The following SCEL variants were observed in gnomAD, a reference collection of about 807,000 sequenced individuals.
SCEL encodes the protein sciellin.
A neutral mutation model predicts 117.6 loss-of-function variants in SCEL; 113 were observed. That is an observed-to-expected ratio of 0.96 (90% CI 0.83 to 1.12). SCEL has a LOEUF of 1.12. Ranked by LOEUF, SCEL falls within the 50% of genes most tolerant of loss-of-function variation. The probability of loss-of-function intolerance (pLI) is 0.00; values close to 1 mark genes in which losing one functional copy is unlikely to be tolerated. For synonymous variants in SCEL, 270 were observed against 256.2 expected, an observed-to-expected ratio of 1.05 and a Z score of -0.51; for missense variants, 785 against 810.8, an observed-to-expected ratio of 0.97 and a Z score of 0.39.
rs80247228 is a variant in SCEL, at chr13:77,606,561, A to C, written c.1158-1495A>C. The C allele has an allele frequency of 3.0e-3, 459 of 152,294 alleles. 1 individual carries two copies. Among genetic ancestry groups the C allele is most frequent in the African/African-American group, 0.011 (444 of 41,558 alleles). 9.4% of individuals were successfully genotyped at this position (152,294 alleles called of 1,614,324 possible). ...TCTCAGTCACTGGCCTTCAAATCCC[A>C]CATACTTCATTTAGGCAGAAATCAA... On this transcript the variant is annotated intron_variant, in intron 19 of 32. Transcript: ENST00000349847.
At chr13:77,571,812 A>G (rs2085650724) in intron 8 of SCEL, among the ~76,000 whole-genome samples, 1 of 152,026 alleles carries the variant, frequency 6.6e-6, no homozygotes, top group Non-Finnish European at 1.5e-5. Context: ...GAATAACATA[A>G]TAAACATATA....
chr13:77,555,912 G>A lies in SCEL; in HGVS notation c.37G>A (p.Gly13Arg). 1 of 1,613,114 alleles carries A rather than the reference G, an allele frequency of 6.2e-7. No homozygotes were observed. Among genetic ancestry groups the A allele is most frequent in the Non-Finnish European group, 8.5e-7 (1 of 1,179,316 alleles). Residue 13 changes from glycine to arginine, a missense_variant, in exon 2 of 33, where the codon GGA becomes AGA. Gly to Arg is a moderately radical substitution (Grantham distance 125, BLOSUM62 -2). Transcript: ENST00000349847. ...TACCTTGAGAAAAATGTCTCCCACA[G>A]GAAATGGTAATGTACATGATGTTTC... ...NVTLRKMSPTGNEMKSTTQGT... is the reference protein window; with the variant it reads ...NVTLRKMSPTRNEMKSTTQGT...
At chr13:77,597,933 A>T (rs2087349552) in intron 13 of SCEL, among the ~76,000 whole-genome samples, 5 of 152,020 alleles carry the variant, frequency 3.3e-5, no homozygotes, top group Admixed American at 2.6e-4. Context: ...ATTACAAAAA[A>T]CATTTTATTA....
chr13:77,536,522 TTAATG>T (rs1275007451), intron 1 of SCEL, among the ~76,000 whole-genome samples: 7 of 152,332 alleles, frequency 4.6e-5, no homozygotes, highest in African/African-American at 1.7e-4. Flanking sequence ...TAAGGAGTGA[TTAATG>T]TATATGGGGG....
intron 30 of SCEL, among the ~76,000 whole-genome samples, chr13:77,638,096 A>G (rs893286289): frequency 6.6e-6 from 1 of 152,124 alleles, no homozygotes; most frequent in Non-Finnish European, 1.5e-5. Context: ...CAAGGTAGAG[A>G]TATTTTATTT....
At chr13:77,571,082 A>G (rs998509386) in intron 8 of SCEL, among the ~76,000 whole-genome samples, 2 of 151,054 alleles carry the variant, frequency 1.3e-5, no homozygotes, top group East Asian at 2.0e-4. Context: ...CACCCGCCTC[A>G]GCCTCCCAAA....
rs1223173628 is a variant in SCEL at position 77,566,757 on chromosome 13, C to T, written c.291-923C>T. Among the ~76,000 whole-genome samples the T allele has an allele frequency of 1.1e-4, 17 of 152,140 alleles. No individual in the cohort carries two copies. In the East Asian group the frequency reaches 2.1e-3, roughly 19 times the overall value. ...CTAAGTTCTTTCTATATTTTAATGC[C>T]GCCATATTTATGCTGCCATGCATAC... is the stretch of plus-strand genomic sequence containing the variant. On this transcript the variant is annotated intron_variant, in intron 5 of 32. Transcript: ENST00000349847.
intron 28 of SCEL, among the ~76,000 whole-genome samples, chr13:77,632,495 T>G (rs2090071009): frequency 6.6e-6 from 1 of 152,188 alleles, no homozygotes; most frequent in African/African-American, 2.4e-5. Flanking sequence ...CTTAATAAAA[T>G]TTTAGCTCAC....
intron 27 of SCEL, among the ~76,000 whole-genome samples, chr13:77,625,911 G>A (rs2089706478): frequency 6.6e-6 from 1 of 152,164 alleles, no homozygotes; most frequent in African/African-American, 2.4e-5. Flanking sequence ...AAATAAAAAT[G>A]TGAAAGTGGC....
At chr13:77,598,999 G>C (rs2087448563) in intron 13 of SCEL, among the ~76,000 whole-genome samples, 1 of 152,120 alleles carries the variant, frequency 6.6e-6, no homozygotes, top group Non-Finnish European at 1.5e-5. Context: ...TCAGGTTTCT[G>C]TGTGTCCTGA....
intron 5 of SCEL, among the ~76,000 whole-genome samples, chr13:77,565,784 G>A (rs624474): frequency 0.93 from 141,333 of 152,264 alleles, 65,638 homozygotes; most frequent in South Asian, 0.96. Flanking sequence ...GTGCAAAAGA[G>A]ACATAAATAA....
intron 9 of SCEL, among the ~76,000 whole-genome samples, chr13:77,587,349 C>T (rs1752112246): frequency 1.3e-5 from 2 of 152,022 alleles, no homozygotes; most frequent in South Asian, 4.1e-4. Context: ...TTCCCCCTCT[C>T]TCTCCTGCAT....
intron 28 of SCEL, among the ~76,000 whole-genome samples, chr13:77,633,448 A>AAAAAAACAAAAACAAAAACAAAAAC (rs1217337620): frequency 5.3e-5 from 7 of 132,652 alleles, no homozygotes; most frequent in Non-Finnish European, 7.6e-5. Flanking sequence ...GCCTCAAAAA[A>AAAAAAACAAAAACAAAAACAAAAAC]AAAAAAAAAA....
chr13:77,556,941 C>G lies in SCEL; in HGVS notation c.161+228C>G, dbSNP rs2084694920. 3.3e-5 allele frequency among the ~76,000 whole-genome samples: 5 copies of G among 152,122 alleles called. No homozygotes were observed. The South Asian group carries it at 1.0e-3, about 32-fold the overall frequency. On this transcript the variant is annotated intron_variant, in intron 3 of 32. Coordinates refer to ENST00000349847, the MANE Select transcript of SCEL (RefSeq NM_144777.3). Reference sequence around the variant, plus strand: ...ATGCATAAGAGAGTGTGAGTCATTACTGAGAGAGAGCCTGGTTATTACCTA... The same window carrying G: ...ATGCATAAGAGAGTGTGAGTCATTAGTGAGAGAGAGCCTGGTTATTACCTA...
chr13:77,571,724 TA>T (rs1442434725), intron 8 of SCEL, among the ~76,000 whole-genome samples: 2 of 150,490 alleles, frequency 1.3e-5, no homozygotes, highest in East Asian at 2.0e-4. Context: ...TATATATATA[TA>T]TATATAGAGT....
At chr13:77,633,359 C>T (rs998608714) in intron 28 of SCEL, among the ~76,000 whole-genome samples, 1 of 144,478 alleles carries the variant, frequency 6.9e-6, no homozygotes, top group Admixed American at 7.0e-5. Flanking sequence ...TGGCGTGAAC[C>T]CGGGAAGCGG....
At position 77,593,587 on chromosome 13, in the gene SCEL, G is replaced by A. The variant is rs1353391219; in HGVS notation, c.752+14G>A. On this transcript the variant is annotated intron_variant, in intron 12 of 32. Transcript: ENST00000349847. ...AAGTGACAAAGGGTGAGATCTCAGA[G>A]CTTTTGAGCTTGGGTTTTATCTTCC... is the stretch of plus-strand genomic sequence containing the variant. The A allele has an allele frequency of 2.5e-6, 4 of 1,607,042 alleles. No individual in the cohort carries two copies. In the South Asian group the frequency reaches 3.3e-5, roughly 13 times the overall value.
intron 5 of SCEL, 22 bp downstream of exon 5, chr13:77,563,921 T>C (rs1267446571): frequency 6.9e-7 from 1 of 1,448,354 alleles, no homozygotes; most frequent in Non-Finnish European, 9.4e-7. Context: ...TTGAACCATA[T>C]AAATGGAATG....
chr13:77,553,752 T>C (rs894875453), intron 1 of SCEL, among the ~76,000 whole-genome samples: 2 of 151,900 alleles, frequency 1.3e-5, no homozygotes, highest in East Asian at 1.9e-4. Flanking sequence ...TAAAACTTAC[T>C]GAGCACCTAC....
Sources: allele counts gnomAD v4.1 joint callset (sites outside exome capture counted in the v4.1 genomes callset), GRCh38; gene constraint gnomAD v4.1.1; transcripts MANE v1.5; gene names NCBI Gene and HGNC (gene_info 2026-07-23, HGNC 2026-07-21).